SLK: variants seen among roughly 807,000 people sequenced by gnomAD.
The protein encoded by SLK is STE20 like kinase.
A neutral mutation model predicts 147.7 loss-of-function variants in SLK; 67 were observed. That is an observed-to-expected ratio of 0.45 (90% CI 0.37 to 0.56). The LOEUF is 0.56. SLK is among the 20% of genes least tolerant of loss of function. The pLI, the probability that SLK is intolerant of heterozygous loss-of-function variation, is 0.00. For synonymous variants in SLK, 441 were observed against 475.0 expected (o/e 0.93, Z 0.93); for missense variants, 1,136 against 1,438.8 (o/e 0.79, Z 3.41).
In SLK at chr10:104,027,427, ATG is replaced by A. The variant is rs1844612802; in HGVS notation, c.*1711_*1712del. The stretch of plus-strand genomic sequence containing the variant: ...GTAAATTCATACACTTATCACATGA[ATG>A]TGTTACTGTATACAAAACTCTTAAT... On this transcript the variant is annotated 3_prime_UTR_variant, in exon 19 of 19. Coordinates refer to ENST00000369755, the MANE Select transcript of SLK (RefSeq NM_014720.4). 6.6e-6 allele frequency: 1 copy of A among 152,584 alleles called. No individual in the cohort carries two copies. The highest frequency in any genetic ancestry group is 2.1e-4 in the South Asian group (1 of 4,828). 9.5% of individuals were successfully genotyped at this position (152,584 alleles called of 1,614,324 possible).
chr10:103,995,418 CTTTTCTTTTTTT>C (rs1339702059), intron 4 of SLK, among the ~76,000 whole-genome samples: 1 of 79,456 alleles, frequency 1.3e-5, no homozygotes, highest in South Asian at 3.6e-4. Context: ...TCTTTTCTTT[CTTTTCTTTTTTT>C]TTTTTTTTTT....
chr10:103,981,717 C>T (rs1843945661), intron 1 of SLK, among the ~76,000 whole-genome samples: 1 of 151,566 alleles, frequency 6.6e-6, no homozygotes, highest in Non-Finnish European at 1.5e-5. Flanking sequence ...CAGGACTGCA[C>T]TGTTTTGATT....
Position 104,029,019 on chromosome 10 carries a change from C to A in SLK, c.*3299C>A, listed in dbSNP as rs572752144. Reference sequence around the variant, plus strand: ...TGACATGTTTTTGATAAAGCTTTAACATTCCTGCTACTAATTTTGGCGGAG... The same window carrying A: ...TGACATGTTTTTGATAAAGCTTTAAAATTCCTGCTACTAATTTTGGCGGAG... On this transcript the variant is annotated 3_prime_UTR_variant, in exon 19 of 19. Transcript: ENST00000369755. 1 of 152,332 alleles carries A rather than the reference C, an allele frequency of 6.6e-6. No homozygotes were observed. The highest frequency in any genetic ancestry group is 2.4e-5 in the African/African-American group (1 of 41,566). The allele number at this position is 152,332 out of a possible 1,614,324, so 9.4% of individuals were successfully genotyped here. A position where few individuals can be genotyped will look rare whatever the true frequency, so the allele number is the denominator to read the frequency against.
At chr10:103,996,453 C>T (rs1327195671) in intron 4 of SLK, among the ~76,000 whole-genome samples, 1 of 144,056 alleles carries the variant, frequency 6.9e-6, no homozygotes, top group African/African-American at 2.6e-5. Flanking sequence ...GGCCGGACTG[C>T]AGTGGCGCTA....
At position 104,009,059 on chromosome 10, in the gene SLK, T is replaced by G. The variant is rs1844366988; in HGVS notation, c.2784+703T>G. On this transcript the variant is annotated intron_variant, in intron 12 of 18. Coordinates refer to ENST00000369755, the MANE Select transcript of SLK (RefSeq NM_014720.4). Reference sequence around the variant, plus strand: ...AGAATCTGTTTGCAGTATAAAAGATTGTCATTGCTTCAGAAGGAAGATTTA... The same window carrying G: ...AGAATCTGTTTGCAGTATAAAAGATGGTCATTGCTTCAGAAGGAAGATTTA... 2.0e-5 allele frequency among the ~76,000 whole-genome samples: 3 copies of G among 151,520 alleles called. No homozygotes were observed. In the South Asian group the frequency reaches 6.3e-4, roughly 32 times the overall value.
chr10:104,016,203 C>A lies in SLK; in HGVS notation c.2878-1957C>A, dbSNP rs12242281. On this transcript the variant is annotated intron_variant, in intron 13 of 18. Coordinates refer to ENST00000369755, the MANE Select transcript of SLK (RefSeq NM_014720.4). ...GCGTGGTGGTGGGCGCCTGTAGTCC[C>A]GGCTACTCAGGAGGCTGAGGCAGGA... is the stretch of plus-strand genomic sequence containing the variant. Among the ~76,000 whole-genome samples the A allele has an allele frequency of 2.0e-3, 305 of 151,718 alleles. 1 individual carries two copies. The highest frequency in any genetic ancestry group is 7.0e-3 in the African/African-American group (288 of 41,326).
intron 4 of SLK, among the ~76,000 whole-genome samples, chr10:103,993,574 C>T (rs551586031): frequency 4.0e-5 from 6 of 151,872 alleles, no homozygotes; most frequent in Admixed American, 6.6e-5. Flanking sequence ...TGATATGGTA[C>T]GTTGACTAAA....
intron 6 of SLK, 41 bp from the exon 7 acceptor site, chr10:103,999,826 C>A: frequency 2.4e-6 from 2 of 848,030 alleles, no homozygotes; most frequent in Non-Finnish European, 3.9e-6. Flanking sequence ...ATTTGATTAA[C>A]AAGAAAGTAA....
At chr10:103,967,933 A>G in intron 1 of SLK, 38 bp downstream of exon 1, 1 of 1,608,054 alleles carries the variant, frequency 6.2e-7, no homozygotes, top group Non-Finnish European at 8.5e-7. Context: ...CTGCGAAGGT[A>G]AAACAGCCAC....
rs771355746 is a variant in SLK, at chr10:103,998,927, G to A, written c.543G>A (p.Thr181=). 1.9e-5 allele frequency: 31 copies of A among 1,611,768 alleles called. No individual in the cohort carries two copies. The highest frequency in any genetic ancestry group is 1.7e-5 in the Admixed American group (1 of 59,932). ...ATTTTGGAGTATCAGCTAAAAACAC[G>A]AGGACAATTCAAAGAAGAGATTCCT... ...LADFGVSAKN[T]RTIQRRDSFI... Residue 181 remains threonine, a synonymous_variant, in exon 5 of 19, where the codon ACG becomes ACA. Transcript: ENST00000369755.
intron 9 of SLK, among the ~76,000 whole-genome samples, chr10:104,004,916 T>G (rs1409127088): frequency 1.3e-5 from 2 of 152,174 alleles, no homozygotes; most frequent in Non-Finnish European, 1.5e-5. Context: ...TCTGGTACTT[T>G]TGGGTGCAGC....
At chr10:104,016,297 T>C (rs12250166) in intron 13 of SLK, among the ~76,000 whole-genome samples, 27,027 of 151,312 alleles carry the variant, frequency 0.18, 4,351 homozygotes, top group African/African-American at 0.43. Context: ...CCAGCCTGGG[T>C]GACAGAGCAA....
Position 104,002,426 on chromosome 10 carries a change from A to G in SLK, c.1248A>G (p.Thr416=). The G allele has an allele frequency of 6.2e-7, 1 of 1,614,070 alleles. No individual in the cohort carries two copies. Among genetic ancestry groups the G allele is most frequent in the South Asian group, 1.1e-5 (1 of 91,086 alleles). ...LEAMTELHDR[T]AVIKENEREK... The stretch of plus-strand genomic sequence containing the variant: ...CAATGACTGAACTCCATGACAGAAC[A>G]GCAGTAATCAAGGAGAATGAAAGAG... Residue 416 remains threonine, a synonymous_variant, in exon 9 of 19, where the codon ACA becomes ACG. Coordinates refer to ENST00000369755, the MANE Select transcript of SLK (RefSeq NM_014720.4).
chr10:104,013,113 A>G (rs796486356), intron 13 of SLK, among the ~76,000 whole-genome samples: 24 of 152,352 alleles, frequency 1.6e-4, no homozygotes, highest in African/African-American at 5.5e-4. Context: ...AAGTATTTCT[A>G]TCTACTGCTT....
Position 104,002,942 on chromosome 10 carries a change from C to T in SLK, c.1764C>T (p.Pro588=), listed in dbSNP as rs767033825. The change falls in exon 9 of 19, where the codon CCC becomes CCT. Residue 588 remains proline, a synonymous_variant. Coordinates refer to ENST00000369755, the MANE Select transcript of SLK (RefSeq NM_014720.4). ...VEVGQKLINK[P]MVGPEAGGTK... ...TAGGCCAGAAATTAATTAATAAGCC[C>T]ATGGTGGGTCCTGAGGCTGGTGGTA... 2 of 1,613,944 alleles carry T rather than the reference C, an allele frequency of 1.2e-6. No homozygotes were observed. The highest frequency in any genetic ancestry group is 2.2e-5 in the East Asian group (1 of 44,888).
chr10:104,021,518 CATG>C (rs982255417), intron 17 of SLK, 99 bp from the exon 18 acceptor site: 1 of 639,554 alleles, frequency 1.6e-6, no homozygotes, highest in African/African-American at 1.9e-5. Context: ...TCAGTAATAG[CATG>C]ATATTTGATG....
At position 104,021,607 on chromosome 10, in the gene SLK, A is replaced by G. The variant is rs1360750950; in HGVS notation, c.3448-13A>G. 1 of 1,530,390 alleles carries G rather than the reference A, an allele frequency of 6.5e-7. No homozygotes were observed. The highest frequency in any genetic ancestry group is 1.7e-4 in the Middle Eastern group (1 of 5,852). The allele number at this position is 1,530,390 out of a possible 1,614,324, so 94.8% of individuals were successfully genotyped here. ...TGATCTGAAATTTTTTTAAATCCCA[A>G]CTTTATTTTCAGAATGAAAAATGCC... On this transcript the variant is annotated splice_polypyrimidine_tract_variant and intron_variant, in intron 17 of 18. Coordinates refer to ENST00000369755, the MANE Select transcript of SLK (RefSeq NM_014720.4).
chr10:104,005,852 A>C, intron 10 of SLK, 60 bp from the exon 11 acceptor site: 2 of 1,550,502 alleles, frequency 1.3e-6, no homozygotes, highest in Non-Finnish European at 1.7e-6. Context: ...TTAAAAAAAA[A>C]CGTATTTCAG....
At chr10:103,968,273 A>G (rs1843745299) in intron 1 of SLK, among the ~76,000 whole-genome samples, 1 of 152,266 alleles carries the variant, frequency 6.6e-6, no homozygotes, top group African/African-American at 2.4e-5. Context: ...ATTCGCGTGC[A>G]TGCTTGTACT....
Sources: gnomAD v4.1 joint callset for allele counts (sites outside exome capture counted in the v4.1 genomes callset) on GRCh38, gnomAD v4.1.1 for gene constraint, MANE v1.5 for transcripts, NCBI Gene and HGNC (gene_info 2026-07-23, HGNC 2026-07-21) for gene names.